GAS2: variants seen among roughly 807,000 people sequenced by gnomAD.
GAS2 encodes the protein growth arrest specific 2.
Under a neutral mutation model 37.5 loss-of-function variants are expected in GAS2, and 20 were observed. That is an observed-to-expected ratio of 0.53 (90% CI 0.37 to 0.77). GAS2 has a LOEUF of 0.77. GAS2 is among the 30% of genes least tolerant of loss of function. GAS2 has a pLI of 0.00. For missense variants in GAS2, 336 were observed against 373.4 expected (o/e 0.90, Z 0.82); for synonymous variants, 144 against 132.2 (o/e 1.09, Z -0.61).
chr11:22,649,401 G>A (rs548026512), intron 1 of GAS2, among the ~76,000 whole-genome samples: 63 of 151,938 alleles, frequency 4.1e-4, no homozygotes, highest in African/African-American at 1.4e-3. Context: ...GTCTCTGCCC[G>A]GCTTTGGTAT....
At chr11:22,780,847 T>A (rs1855525870) in intron 7 of GAS2, among the ~76,000 whole-genome samples, 1 of 152,040 alleles carries the variant, frequency 6.6e-6, no homozygotes, top group African/African-American at 2.4e-5. Context: ...TCTGATGAAA[T>A]GTATTGATTT....
intron 3 of GAS2, among the ~76,000 whole-genome samples, chr11:22,723,619 T>C (rs544832268): frequency 2.0e-5 from 3 of 152,004 alleles, no homozygotes; most frequent in Non-Finnish European, 4.4e-5. Context: ...AGCAAGGCTG[T>C]AGCTATGTGA....
chr11:22,674,281 T>C (rs1447376758), intron 1 of GAS2, among the ~76,000 whole-genome samples: 1 of 152,078 alleles, frequency 6.6e-6, no homozygotes, highest in Non-Finnish European at 1.5e-5. Flanking sequence ...GTAGAGAGTC[T>C]TTGGGTGTAC....
rs564383103 is a variant in GAS2, at chr11:22,651,430, G to T, written c.-20-23420G>T. ...GCTCTTCTCGAGGAGTATCTTTGTG[G>T]CGTTCTCTGTATTTCCTGAATCTGA... On this transcript the variant is annotated intron_variant, in intron 1 of 5. Transcript: ENST00000528582. Among the ~76,000 whole-genome samples, 519 of 152,060 alleles carry T rather than the reference G, an allele frequency of 3.4e-3. 7 individuals carry two copies. The highest frequency in any genetic ancestry group is 0.012 in the African/African-American group (501 of 41,494).
chr11:22,650,512 G>C (rs1311868940), intron 1 of GAS2, among the ~76,000 whole-genome samples: 1 of 150,956 alleles, frequency 6.6e-6, no homozygotes, highest in Non-Finnish European at 1.5e-5. Context: ...AATGTTGACA[G>C]TGGGGTGTTA....
At chr11:22,736,251 C>A (rs1852749825) in intron 4 of GAS2, among the ~76,000 whole-genome samples, 1 of 151,904 alleles carries the variant, frequency 6.6e-6, no homozygotes, top group Admixed American at 6.6e-5. Context: ...TAGTAAATAT[C>A]TTCATTTTAA....
At chr11:22,637,689 AATAAT>A (rs1024193390) in intron 1 of GAS2, among the ~76,000 whole-genome samples, 6 of 136,064 alleles carry the variant, frequency 4.4e-5, no homozygotes, top group Non-Finnish European at 7.6e-5. Context: ...TTATATCAAT[AATAAT>A]ATAATATAAA....
intron 1 of GAS2, among the ~76,000 whole-genome samples, chr11:22,652,464 C>A (rs7124563): frequency 6.6e-6 from 1 of 152,092 alleles, no homozygotes; most frequent in Non-Finnish European, 1.5e-5. Context: ...TAGAGCTTCC[C>A]GGCTGCTTTG....
chr11:22,693,265 T>C (rs1850341831), intron 3 of GAS2, among the ~76,000 whole-genome samples: 1 of 152,200 alleles, frequency 6.6e-6, no homozygotes, highest in Admixed American at 6.5e-5. Flanking sequence ...TTTCTACTTA[T>C]AAGAATAAAG....
chr11:22,632,788 AT>A (rs1427396499), intron 1 of GAS2, among the ~76,000 whole-genome samples: 1 of 151,468 alleles, frequency 6.6e-6, no homozygotes, highest in Non-Finnish European at 1.5e-5. Flanking sequence ...GATTGGGTTA[AT>A]TCAAAAACCT....
upstream of GAS2, among the ~76,000 whole-genome samples, chr11:22,666,405 C>CTATT (rs1035934817): frequency 6.6e-6 from 1 of 152,174 alleles, no homozygotes; most frequent in African/African-American, 2.4e-5. Context: ...TGTGCTAAAG[C>CTATT]TATTGACTCT....
chr11:22,736,187 G>A (rs541449431), intron 4 of GAS2, among the ~76,000 whole-genome samples: 5 of 151,896 alleles, frequency 3.3e-5, no homozygotes, highest in African/African-American at 1.2e-4. Context: ...TAAACCTTAT[G>A]AAGTTGATAT....
chr11:22,637,200 A>C (rs1186393965), intron 1 of GAS2, among the ~76,000 whole-genome samples: 1 of 120,774 alleles, frequency 8.3e-6, no homozygotes, highest in African/African-American at 3.3e-5. Flanking sequence ...TATTATATTA[A>C]TATATTACTT....
chr11:22,760,210 G>T (rs949078232), intron 7 of GAS2, among the ~76,000 whole-genome samples: 3 of 151,682 alleles, frequency 2.0e-5, no homozygotes, highest in Non-Finnish European at 4.4e-5. Context: ...CAAACTCTTG[G>T]CCTCAGGTGA....
At position 22,772,461 on chromosome 11, in the gene GAS2, T is replaced by G. The variant is rs903350950; in HGVS notation, c.723+16508T>G. Among the ~76,000 whole-genome samples the G allele has an allele frequency of 3.1e-4, 47 of 152,200 alleles. 2 individuals carry two copies. The highest frequency in any genetic ancestry group is 6.8e-4 in the Non-Finnish European group (46 of 68,024). ...TTTTGTTTTACTTTTCATCAGTATC[T>G]TTTAAAGGGGTGTGTGTATTGGACT... On this transcript the variant is annotated intron_variant, in intron 7 of 7. Coordinates refer to ENST00000454584, the MANE Select transcript of GAS2 (RefSeq NM_001143830.3).
At chr11:22,643,711 A>T (rs982937319) in intron 1 of GAS2, among the ~76,000 whole-genome samples, 2 of 152,058 alleles carry the variant, frequency 1.3e-5, no homozygotes, top group African/African-American at 4.8e-5. Context: ...GAAAAAAAAA[A>T]TACGGACCGG....
chr11:22,707,773 G>A (rs572875993), intron 3 of GAS2, among the ~76,000 whole-genome samples: 30 of 152,272 alleles, frequency 2.0e-4, no homozygotes, highest in Admixed American at 1.6e-3. Flanking sequence ...TATATGGAGA[G>A]AACGTTTGGC....
chr11:22,805,411 G>A (rs895975878), intron 7 of GAS2, among the ~76,000 whole-genome samples: 52 of 152,038 alleles, frequency 3.4e-4, no homozygotes, highest in African/African-American at 1.2e-3. Context: ...TTTAATTAAG[G>A]AAGAATACAA....
At chr11:22,725,642 G>A (rs1852165289) in intron 3 of GAS2, among the ~76,000 whole-genome samples, 1 of 152,038 alleles carries the variant, frequency 6.6e-6, no homozygotes, top group Non-Finnish European at 1.5e-5. Flanking sequence ...GCCCAGGTTA[G>A]TCACGAACTC....
Sources: allele counts gnomAD v4.1 joint callset (sites outside exome capture counted in the v4.1 genomes callset), GRCh38; gene constraint gnomAD v4.1.1; transcripts MANE v1.5; gene names NCBI Gene and HGNC (gene_info 2026-07-23, HGNC 2026-07-21).